CHN1: variants seen among roughly 807,000 people sequenced by gnomAD.
CHN1 encodes N-chimaerin.
In CHN1, 37 loss-of-function variants were observed where a neutral mutation model predicts 59.5. The observed-to-expected ratio is 0.62, with a 90% CI of 0.48 to 0.82. CHN1 has a LOEUF of 0.82. Among genes scored for constraint, CHN1 ranks in the 40% least tolerant of loss-of-function variants. The pLI is 0.00. For missense variants in CHN1, 469 were observed against 571.0 expected (o/e 0.82, Z 1.82); for synonymous variants, 206 against 200.4 (o/e 1.03, Z -0.24).
intron 1 of CHN1, among the ~76,000 whole-genome samples, chr2:174,960,009 G>T (rs954720107): frequency 3.9e-5 from 6 of 152,134 alleles, no homozygotes; most frequent in Non-Finnish European, 2.9e-5. Flanking sequence ...TAGTGTAGTT[G>T]GTTCTTTTTC....
chr2:174,802,056 T>A (rs1336825658), intron 11 of CHN1: 1 of 378,786 alleles, frequency 2.6e-6, no homozygotes, highest in Admixed American at 3.8e-5. Context: ...TCCAGTTTTG[T>A]CACTTGAGTA....
At chr2:174,970,786 T>C (rs564804121) in intron 1 of CHN1, among the ~76,000 whole-genome samples, 6 of 152,338 alleles carry the variant, frequency 3.9e-5, no homozygotes, top group African/African-American at 1.2e-4. Context: ...CTACCACTTG[T>C]CAAGTGTTAG....
chr2:175,002,917 C>A (rs1038463428), intron 1 of CHN1, among the ~76,000 whole-genome samples: 2 of 152,208 alleles, frequency 1.3e-5, no homozygotes, highest in African/African-American at 4.8e-5. Context: ...AAATCCATTT[C>A]TTCTAACCCT....
chr2:174,916,149 C>T lies in CHN1; in HGVS notation c.147-978G>A, dbSNP rs1052596006. On this transcript the variant is annotated intron_variant, in intron 4 of 12. Transcript: ENST00000409900. ...AGCAACCGGGGAAGACTGACTCTTACGGAGGAGAGAAGACTAAAAGTCGAC... is the reference window on the plus strand; with the variant it reads ...AGCAACCGGGGAAGACTGACTCTTATGGAGGAGAGAAGACTAAAAGTCGAC... Among the ~76,000 whole-genome samples, 15 of 152,258 alleles carry T rather than the reference C, an allele frequency of 9.9e-5. 2 individuals carry two copies. In the South Asian group the frequency reaches 2.7e-3, roughly 27 times the overall value.
At chr2:174,839,577 TAAC>T (rs1332337387) in intron 7 of CHN1, among the ~76,000 whole-genome samples, 8 of 152,108 alleles carry the variant, frequency 5.3e-5, no homozygotes, top group African/African-American at 1.7e-4. Flanking sequence ...TGCCTTTACT[TAAC>T]AATACTGTGT....
intron 1 of CHN1, among the ~76,000 whole-genome samples, chr2:175,000,298 T>C (rs969344940): frequency 2.6e-5 from 4 of 151,716 alleles, no homozygotes; most frequent in African/African-American, 9.7e-5. Context: ...TGTGCCACCA[T>C]GCCAGGCTAA....
chr2:174,896,949 C>CAT (rs1439467552), intron 5 of CHN1, among the ~76,000 whole-genome samples: 1 of 151,984 alleles, frequency 6.6e-6, no homozygotes, highest in Non-Finnish European at 1.5e-5. Context: ...ACACTCAAAT[C>CAT]ATATATATAA....
intron 1 of CHN1, among the ~76,000 whole-genome samples, chr2:175,000,533 T>G (rs1350526874): frequency 6.6e-6 from 1 of 151,974 alleles, no homozygotes; most frequent in Non-Finnish European, 1.5e-5. Context: ...AACCTCTACC[T>G]CCTGGGTTCA....
chr2:174,937,240 G>A (rs1341260849), intron 3 of CHN1, among the ~76,000 whole-genome samples: 1 of 152,098 alleles, frequency 6.6e-6, no homozygotes, highest in East Asian at 1.9e-4. Context: ...AAAACAAGGG[G>A]TAGACCACAA....
chr2:174,911,088 T>TCA (rs779634059), intron 5 of CHN1, among the ~76,000 whole-genome samples: 1 of 152,002 alleles, frequency 6.6e-6, no homozygotes, highest in Non-Finnish European at 1.5e-5. Flanking sequence ...AACGAATGGG[T>TCA]CTAACAGCAG....
intron 8 of CHN1, among the ~76,000 whole-genome samples, chr2:174,820,696 G>A (rs967767217): frequency 1.3e-5 from 2 of 152,154 alleles, no homozygotes; most frequent in African/African-American, 4.8e-5. Context: ...TGTCCTCATC[G>A]CTGCGGTGTG....
intron 6 of CHN1, among the ~76,000 whole-genome samples, chr2:174,868,628 C>T (rs576901349): frequency 6.6e-6 from 1 of 152,128 alleles, no homozygotes; most frequent in African/African-American, 2.4e-5. Flanking sequence ...ATAGGTTTTC[C>T]TAAAGGCAAC....
intron 1 of CHN1, among the ~76,000 whole-genome samples, chr2:174,988,095 C>T (rs1398515475): frequency 1.3e-5 from 2 of 152,154 alleles, no homozygotes; most frequent in African/African-American, 4.8e-5. Context: ...CGCGGTGGCT[C>T]ACGCCTGTAA....
chr2:174,934,889 C>T (rs947212701), intron 3 of CHN1, among the ~76,000 whole-genome samples: 1 of 152,156 alleles, frequency 6.6e-6, no homozygotes, highest in African/African-American at 2.4e-5. Context: ...ATTCTCAGAA[C>T]CAGTGTCTTG....
At chr2:174,834,537 T>A (rs556950819) in intron 7 of CHN1, among the ~76,000 whole-genome samples, 3 of 152,232 alleles carry the variant, frequency 2.0e-5, no homozygotes, top group Admixed American at 2.0e-4. Flanking sequence ...AAATATAGGA[T>A]TCAAGGTTAA....
chr2:174,935,860 C>A (rs1018038196), intron 3 of CHN1, among the ~76,000 whole-genome samples: 2 of 152,028 alleles, frequency 1.3e-5, no homozygotes, highest in Non-Finnish European at 2.9e-5. Flanking sequence ...TTGAGCCTGG[C>A]AATGCAAAGC....
At chr2:174,876,706 T>C (rs1395118590) in intron 6 of CHN1, among the ~76,000 whole-genome samples, 1 of 152,224 alleles carries the variant, frequency 6.6e-6, no homozygotes, top group Non-Finnish European at 1.5e-5. Flanking sequence ...TTCCATTCTG[T>C]ACCCAAATAC....
At chr2:174,983,479 G>C (rs539293345) in intron 1 of CHN1, among the ~76,000 whole-genome samples, 2 of 151,976 alleles carry the variant, frequency 1.3e-5, no homozygotes, top group Admixed American at 1.3e-4. Flanking sequence ...AAAGAAATGA[G>C]CAAAATGTAT....
At chr2:174,806,723 A>G (rs547835541) in intron 11 of CHN1, among the ~76,000 whole-genome samples, 4 of 152,190 alleles carry the variant, frequency 2.6e-5, no homozygotes, top group African/African-American at 4.8e-5. Context: ...GGCAGGATTC[A>G]TGGCACCTCG....
Sources: gnomAD v4.1 joint callset for allele counts (sites outside exome capture counted in the v4.1 genomes callset) on GRCh38, gnomAD v4.1.1 for gene constraint, MANE v1.5 for transcripts, NCBI Gene and HGNC (gene_info 2026-07-23, HGNC 2026-07-21) for gene names.